The following TLCD3A variants were observed in gnomAD, a reference collection of about 807,000 sequenced individuals.
TLCD3A encodes the protein TLC domain containing 3A.
A neutral mutation model predicts 29.9 loss-of-function variants in TLCD3A; 17 were observed. The ratio of observed to expected loss-of-function variants is 0.57; its 90% CI spans 0.39 to 0.85. TLCD3A has a LOEUF of 0.85. TLCD3A is among the 40% of genes least tolerant of loss of function. TLCD3A has a pLI of 0.00. For missense variants in TLCD3A, 332 were observed against 350.8 expected (o/e 0.95, Z 0.43); for synonymous variants, 143 against 147.7 (o/e 0.97, Z 0.23).
chr17:734,563 C>T (rs1379770790), intron 2 of TLCD3A, among the ~76,000 whole-genome samples: 2 of 152,098 alleles, frequency 1.3e-5, no homozygotes, highest in Non-Finnish European at 2.9e-5. Flanking sequence ...ATCCTCCTGC[C>T]TGGGCCTCCC....
Position 732,632 on chromosome 17 carries a change from C to G in TLCD3A, c.-16C>G. 4.0e-6 allele frequency: 5 copies of G among 1,251,792 alleles called. No homozygotes were observed. Among genetic ancestry groups the G allele is most frequent in the Non-Finnish European group, 5.0e-6 (5 of 999,282 alleles). The allele number at this position is 1,251,792 out of a possible 1,614,324, so 77.5% of individuals were successfully genotyped here. A position where few individuals can be genotyped will look rare whatever the true frequency, so the allele number is the denominator to read the frequency against. On this transcript the variant is annotated 5_prime_UTR_variant, in exon 1 of 5. Transcript: ENST00000308278. ...AGCCACGCGGCGCCAGCGAGGCGGC[C>G]GGACCCGCAGCCCCGATGCTGCTGA... is the stretch of plus-strand genomic sequence containing the variant.
chr17:732,622 G>A lies in TLCD3A; in HGVS notation c.-26G>A. The A allele has an allele frequency of 8.2e-7, 1 of 1,224,546 alleles. No homozygotes were observed. The highest frequency in any genetic ancestry group is 1.0e-6 in the Non-Finnish European group (1 of 983,408). 75.9% of individuals were successfully genotyped at this position (1,224,546 alleles called of 1,614,324 possible). A position where few individuals can be genotyped will look rare whatever the true frequency, so the allele number is the denominator to read the frequency against. The stretch of plus-strand genomic sequence containing the variant: ...AGCCGAACCCAGCCACGCGGCGCCA[G>A]CGAGGCGGCCGGACCCGCAGCCCCG... On this transcript the variant is annotated 5_prime_UTR_variant, in exon 1 of 5. Transcript: ENST00000308278.
chr17:740,317 C>T (rs1361045828), intron 3 of TLCD3A, among the ~76,000 whole-genome samples, 188 bp from the exon 4 acceptor site: 2 of 152,164 alleles, frequency 1.3e-5, no homozygotes, highest in Non-Finnish European at 2.9e-5. Context: ...CTGAATTTGC[C>T]TCTGGATCCT....
chr17:734,370 G>T (rs1216935235), intron 2 of TLCD3A, among the ~76,000 whole-genome samples: 2 of 151,736 alleles, frequency 1.3e-5, no homozygotes, highest in African/African-American at 4.8e-5. Flanking sequence ...AGGTGCAGTG[G>T]CATAATGACA....
rs368147752 is a variant in TLCD3A, at chr17:734,470, G to A, written c.206+1289G>A. ...CTACAGGCACACACTACTACACCTGGCTAACTTTTTTTTGTTGTTGTTGGT... is the reference window on the plus strand; with the variant it reads ...CTACAGGCACACACTACTACACCTGACTAACTTTTTTTTGTTGTTGTTGGT... On this transcript the variant is annotated intron_variant, in intron 2 of 4. Transcript: ENST00000308278. Among the ~76,000 whole-genome samples, 15 of 148,186 alleles carry A rather than the reference G, an allele frequency of 1.0e-4. No homozygotes were observed. The East Asian group carries it at 2.0e-3, about 20-fold the overall frequency.
chr17:733,123 C>G lies in TLCD3A; in HGVS notation c.148C>G (p.Leu50Val), dbSNP rs1428039950. 28 of 1,593,538 alleles carry G rather than the reference C, an allele frequency of 1.8e-5. No individual in the cohort carries two copies. The highest frequency in any genetic ancestry group is 2.4e-5 in the Non-Finnish European group (28 of 1,170,962). ...TRLVSSVHAVLATGSGIVIIR... is the reference protein window; with the variant it reads ...TRLVSSVHAVVATGSGIVIIR... Reference sequence around the variant, plus strand: ...GCTGGTTTCCTCGGTGCACGCCGTGCTGGCCACCGGCTCGGGGATCGTCAT... The same window carrying G: ...GCTGGTTTCCTCGGTGCACGCCGTGGTGGCCACCGGCTCGGGGATCGTCAT... The change falls in exon 2 of 5, where the codon CTG becomes GTG. Residue 50 changes from leucine to valine, a missense_variant. By Grantham distance (32) the Leu-to-Val change is conservative (BLOSUM62 1). Coordinates refer to ENST00000308278, the MANE Select transcript of TLCD3A (RefSeq NM_024792.3).
chr17:741,357 C>G lies in TLCD3A; in HGVS notation c.561C>G (p.Thr187=). ...TGAATGGAATCCTCACGCTGGCCACCTTCCTTTCCTGCCGGATCCTTCTCT... is the reference window on the plus strand; with the variant it reads ...TGAATGGAATCCTCACGCTGGCCACGTTCCTTTCCTGCCGGATCCTTCTCT... ...YKVNGILTLA[T]FLSCRILLFP... Residue 187 remains threonine (T), a synonymous_variant, in exon 5 of 5, where the codon ACC becomes ACG. Coordinates refer to ENST00000308278, the MANE Select transcript of TLCD3A (RefSeq NM_024792.3). 1 of 1,614,194 alleles carries G rather than the reference C, an allele frequency of 6.2e-7. No homozygotes were observed. The highest frequency in any genetic ancestry group is 8.5e-7 in the Non-Finnish European group (1 of 1,180,028).
intron 4 of TLCD3A, 141 bp from the exon 5 acceptor site, chr17:741,160 G>A: frequency 3.9e-6 from 3 of 769,100 alleles, no homozygotes; most frequent in Non-Finnish European, 2.1e-6. Context: ...ACAAACGTCT[G>A]GGCGCCAGGG....
At position 742,384 on chromosome 17, in the gene TLCD3A, A is replaced by G. The variant is rs2144127285; in HGVS notation, c.*814A>G. 6.6e-6 allele frequency: 1 copy of G among 152,320 alleles called. No homozygotes were observed. The highest frequency in any genetic ancestry group is 2.4e-5 in the African/African-American group (1 of 41,568). 9.4% of individuals were successfully genotyped at this position (152,320 alleles called of 1,614,324 possible). A position where few individuals can be genotyped will look rare whatever the true frequency, so the allele number is the denominator to read the frequency against. ...CACATGCAGAGGGCGAGCTCATAAAACTACAGGGAAGCGTGAAATGATGGC... is the reference window on the plus strand; with the variant it reads ...CACATGCAGAGGGCGAGCTCATAAAGCTACAGGGAAGCGTGAAATGATGGC... On this transcript the variant is annotated 3_prime_UTR_variant, in exon 5 of 5. Transcript: ENST00000308278.
rs1195837620 is a variant in TLCD3A at position 732,749 on chromosome 17, C to G, written c.102C>G (p.Asp34Glu). Residue 34 changes from aspartate to glutamate, a missense_variant, in exon 1 of 5, where the codon GAC becomes GAG. Coordinates refer to ENST00000308278, the MANE Select transcript of TLCD3A (RefSeq NM_024792.3). ...CCCAGCCCGGATGGAGCCGCACCGA[C>G]TGCGTGATGATCAGCACCAGGTACC... Reference protein sequence around the residue: ...RRSQPGWSRTDCVMISTRLVS... With the variant: ...RRSQPGWSRTECVMISTRLVS... 2 of 1,455,086 alleles carry G rather than the reference C, an allele frequency of 1.4e-6. No homozygotes were observed. Among genetic ancestry groups the G allele is most frequent in the Non-Finnish European group, 1.8e-6 (2 of 1,106,128 alleles). 90.1% of individuals were successfully genotyped at this position (1,455,086 alleles called of 1,614,324 possible). A position where few individuals can be genotyped will look rare whatever the true frequency, so the allele number is the denominator to read the frequency against.
At chr17:732,931 C>G (rs956557572) in intron 1 of TLCD3A, 162 bp downstream of exon 1, 2 of 1,384,264 alleles carry the variant, frequency 1.4e-6, no homozygotes, top group African/African-American at 3.0e-5. Context: ...CGCGTCCTCC[C>G]CTGGCGGGAG....
intron 3 of TLCD3A, 68 bp from the exon 4 acceptor site, chr17:740,437 G>A (rs936965305): frequency 4.9e-5 from 59 of 1,200,430 alleles, no homozygotes; most frequent in South Asian, 2.2e-4. Context: ...AGTAGCCCTC[G>A]TTGGAATTTT....
intron 3 of TLCD3A, among the ~76,000 whole-genome samples, chr17:738,663 A>G (rs1189928865): frequency 1.3e-5 from 2 of 152,102 alleles, no homozygotes; most frequent in African/African-American, 2.4e-5. Context: ...GCCTCAAACT[A>G]CTGGCCTCAA....
chr17:738,060 A>G lies in TLCD3A; in HGVS notation c.408+13A>G. 1 of 1,540,328 alleles carries G rather than the reference A, an allele frequency of 6.5e-7. No homozygotes were observed. Reference sequence around the variant, plus strand: ...GCCAGTCGCACAGGTATGGCCTTCCAGGACAGCAGACCAGCAGCTGGGTTG... The same window carrying G: ...GCCAGTCGCACAGGTATGGCCTTCCGGGACAGCAGACCAGCAGCTGGGTTG... On this transcript the variant is annotated intron_variant, in intron 3 of 4. Transcript: ENST00000308278.
chr17:732,646 C>G lies in TLCD3A; in HGVS notation c.-2C>G, dbSNP rs1597539609. 2.6e-5 allele frequency: 34 copies of G among 1,331,348 alleles called. No individual in the cohort carries two copies. The East Asian group carries it at 7.8e-4, about 31-fold the overall frequency. 82.5% of individuals were successfully genotyped at this position (1,331,348 alleles called of 1,614,324 possible). A position where few individuals can be genotyped will look rare whatever the true frequency, so the allele number is the denominator to read the frequency against. On this transcript the variant is annotated 5_prime_UTR_variant, in exon 1 of 5. Coordinates refer to ENST00000308278, the MANE Select transcript of TLCD3A (RefSeq NM_024792.3). ...AGCGAGGCGGCCGGACCCGCAGCCCCGATGCTGCTGACGCTGGCCGGGGGC... is the reference window on the plus strand; with the variant it reads ...AGCGAGGCGGCCGGACCCGCAGCCCGGATGCTGCTGACGCTGGCCGGGGGC...
intron 1 of TLCD3A, 126 bp from the exon 2 acceptor site, chr17:732,972 A>T: frequency 7.2e-7 from 1 of 1,389,364 alleles, no homozygotes; most frequent in Non-Finnish European, 9.7e-7. Context: ...ATGGCCGATG[A>T]GCCTCCGGAG....
intron 2 of TLCD3A, among the ~76,000 whole-genome samples, chr17:735,769 A>G (rs1322435600): frequency 6.6e-6 from 1 of 151,868 alleles, no homozygotes; most frequent in Admixed American, 6.6e-5. Flanking sequence ...GCTTGAGACC[A>G]GTCTGGCCAA....
intron 2 of TLCD3A, among the ~76,000 whole-genome samples, chr17:735,815 A>C (rs1974145301): frequency 6.6e-6 from 1 of 151,856 alleles, no homozygotes; most frequent in African/African-American, 2.4e-5. Flanking sequence ...AAAAAGAAAA[A>C]AAAAAAGAAA....
rs1168539226 is a variant in TLCD3A, at chr17:734,059, T to G, written c.206+878T>G. On this transcript the variant is annotated intron_variant, in intron 2 of 4. Transcript: ENST00000308278. The stretch of plus-strand genomic sequence containing the variant: ...TGTCATGATTTTTGTGCTTTTCTTC[T>G]GCCTTTTTAAAAACAAAACTGGCTA... Among the ~76,000 whole-genome samples the G allele has an allele frequency of 2.0e-5, 3 of 152,212 alleles. 1 individual carries two copies. The highest frequency in any genetic ancestry group is 1.3e-4 in the Admixed American group (2 of 15,276).
Sources: allele counts gnomAD v4.1 joint callset (sites outside exome capture counted in the v4.1 genomes callset), GRCh38; gene constraint gnomAD v4.1.1; transcripts MANE v1.5; gene names NCBI Gene and HGNC (gene_info 2026-07-23, HGNC 2026-07-21).